The following STAM variants were observed in gnomAD, a reference collection of about 807,000 sequenced individuals.
The protein encoded by STAM is signal transducing adaptor molecule.
A neutral mutation model predicts 63.4 loss-of-function variants in STAM; 16 were observed. The ratio of observed to expected loss-of-function variants is 0.25; its 90% CI spans 0.17 to 0.38. The LOEUF is 0.38. Among genes scored for constraint, STAM ranks in the 10% least tolerant of loss-of-function variants. The probability of loss-of-function intolerance (pLI) is 1.00; values close to 1 mark genes in which losing one functional copy is unlikely to be tolerated. For synonymous variants in STAM, 238 were observed against 223.9 expected (o/e 1.06, Z -0.56); for missense variants, 636 against 657.1 (o/e 0.97, Z 0.35).
chr10:17,689,546 A>T (rs1554826510), intron 5 of STAM, among the ~76,000 whole-genome samples: 1 of 152,254 alleles, frequency 6.6e-6, no homozygotes, highest in Non-Finnish European at 1.5e-5. Flanking sequence ...TTCATAACTG[A>T]TAGCTGGTTT....
intron 9 of STAM, among the ~76,000 whole-genome samples, chr10:17,701,614 C>A (rs1836000675): frequency 6.6e-6 from 1 of 152,178 alleles, no homozygotes; most frequent in Non-Finnish European, 1.5e-5. Flanking sequence ...TTGCTTGGCC[C>A]TTGGTATGGA....
At chr10:17,680,119 C>T (rs1554825125) in intron 2 of STAM, among the ~76,000 whole-genome samples, 1 of 152,036 alleles carries the variant, frequency 6.6e-6, no homozygotes, top group Non-Finnish European at 1.5e-5. Flanking sequence ...CCTTTGCTTG[C>T]TTTGGGTTTC....
At chr10:17,688,265 T>C (rs1835377490) in intron 5 of STAM, 92 bp downstream of exon 5, 1 of 1,284,466 alleles carries the variant, frequency 7.8e-7, no homozygotes, top group Non-Finnish European at 1.0e-6. Context: ...CCCAGGTAAT[T>C]TTTACTACTT....
At position 17,695,052 on chromosome 10, in the gene STAM, T is replaced by C; in HGVS notation, c.539T>C (p.Ile180Thr). ...KKEEEDLAKA[I>T]ELSLKEQRQQ... is the part of the protein sequence containing the mutation. Reference sequence around the variant, plus strand: ...TTAAAAACTCATTGTTTTCTAGCCATTGAGTTGTCTCTCAAGGAACAAAGG... The same window carrying C: ...TTAAAAACTCATTGTTTTCTAGCCACTGAGTTGTCTCTCAAGGAACAAAGG... Residue 180 changes from isoleucine to threonine, a missense_variant, in exon 7 of 14, where the codon ATT becomes ACT. Around this residue, in one of 3 missense-constraint regions of STAM, gnomAD observed 532 missense variants for 536.9 expected, o/e 0.99. Coordinates refer to ENST00000377524, the MANE Select transcript of STAM (RefSeq NM_003473.4). The C allele has an allele frequency of 6.2e-7, 1 of 1,613,314 alleles. No homozygotes were observed. Among genetic ancestry groups the C allele is most frequent in the Non-Finnish European group, 8.5e-7 (1 of 1,179,618 alleles).
rs1357891505 is a variant in STAM, at chr10:17,690,210, C to T, written c.444+2037C>T. Among the ~76,000 whole-genome samples, 8 of 152,254 alleles carry T rather than the reference C, an allele frequency of 5.3e-5. No individual in the cohort carries two copies. In the East Asian group the frequency reaches 7.7e-4, roughly 15 times the overall value. ...TCAGTCCAGTGTTCTTTTCGCTGCC[C>T]GAGTCTGCCTTCTTTGTTAGAGAGG... is the stretch of plus-strand genomic sequence containing the variant. On this transcript the variant is annotated intron_variant, in intron 5 of 13. Transcript: ENST00000377524.
intron 13 of STAM, among the ~76,000 whole-genome samples, chr10:17,710,963 C>T (rs540532442): frequency 3.6e-4 from 54 of 152,024 alleles, no homozygotes; most frequent in Non-Finnish European, 5.4e-4. Flanking sequence ...TGTGTTTCAA[C>T]GGGGAAATGA....
At position 17,714,917 on chromosome 10, in the gene STAM, G is replaced by A. The variant is rs1836744379; in HGVS notation, c.*137G>A. The A allele has an allele frequency of 2.4e-6, 2 of 844,116 alleles. No homozygotes were observed. The highest frequency in any genetic ancestry group is 3.8e-6 in the Non-Finnish European group (2 of 530,364). The allele number at this position is 844,116 out of a possible 1,614,324, so 52.3% of individuals were successfully genotyped here. ...GTCAACAGGTTCAAATATTCAAGAA[G>A]GTAGAACTCTCCTCAATTTACACTG... On this transcript the variant is annotated 3_prime_UTR_variant, in exon 14 of 14. Coordinates refer to ENST00000377524, the MANE Select transcript of STAM (RefSeq NM_003473.4).
intron 2 of STAM, among the ~76,000 whole-genome samples, chr10:17,664,164 T>C (rs1207640861): frequency 6.6e-6 from 1 of 152,134 alleles, no homozygotes; most frequent in African/African-American, 2.4e-5. Flanking sequence ...AGAATTGGGT[T>C]ACATATTCAC....
At chr10:17,650,449 C>G (rs1158182676) in intron 1 of STAM, among the ~76,000 whole-genome samples, 2 of 152,174 alleles carry the variant, frequency 1.3e-5, no homozygotes, top group African/African-American at 2.4e-5. Context: ...TTTTTCTTCT[C>G]AATTATGCTT....
intron 1 of STAM, among the ~76,000 whole-genome samples, chr10:17,659,980 G>T (rs1834097103): frequency 1.3e-5 from 2 of 151,420 alleles, no homozygotes; most frequent in Non-Finnish European, 1.5e-5. Flanking sequence ...ACTTAAATAC[G>T]TTTTTATTTA....
intron 2 of STAM, 101 bp from the exon 3 acceptor site, chr10:17,684,574 A>G (rs34875696): frequency 0.19 from 159,946 of 822,242 alleles, 16,849 homozygotes; most frequent in Middle Eastern, 0.22. Flanking sequence ...CTACTTTATC[A>G]TAGTCTCCCT....
At chr10:17,650,934 G>A (rs370731351) in intron 1 of STAM, among the ~76,000 whole-genome samples, 4 of 151,228 alleles carry the variant, frequency 2.6e-5, no homozygotes, top group Admixed American at 6.6e-5. Context: ...GCGTAGTGGC[G>A]GGCGCCTGTA....
intron 2 of STAM, among the ~76,000 whole-genome samples, chr10:17,663,185 T>A (rs1554823077): frequency 6.6e-6 from 1 of 152,178 alleles, no homozygotes; most frequent in Middle Eastern, 3.2e-3. Flanking sequence ...GATCAATTTG[T>A]TTTTCTTAAT....
chr10:17,705,347 C>T (rs1554829099), intron 11 of STAM, among the ~76,000 whole-genome samples: 1 of 152,158 alleles, frequency 6.6e-6, no homozygotes, highest in East Asian at 1.9e-4. Flanking sequence ...CTAGGGAAAC[C>T]AAGATATTTC....
intron 4 of STAM, 77 bp downstream of exon 4, chr10:17,685,004 AGGACT>A: frequency 4.2e-6 from 5 of 1,196,350 alleles, no homozygotes; most frequent in Non-Finnish European, 6.0e-6. Context: ...ATCTTCACAG[AGGACT>A]ATTCTGTGCT....
intron 1 of STAM, among the ~76,000 whole-genome samples, chr10:17,657,191 AT>A (rs1188318947): frequency 6.6e-6 from 1 of 152,078 alleles, no homozygotes; most frequent in Non-Finnish European, 1.5e-5. Context: ...TGGTGCCTGC[AT>A]TCATTTAACA....
intron 12 of STAM, among the ~76,000 whole-genome samples, chr10:17,706,369 C>CTT (rs59585445): frequency 0.25 from 17,516 of 70,176 alleles, 5,011 homozygotes; most frequent in South Asian, 0.35. Context: ...GGTTGAGGCC[C>CTT]TTTTTTTTTT....
intron 12 of STAM, 65 bp downstream of exon 12, chr10:17,705,806 G>T: frequency 4.0e-6 from 6 of 1,499,264 alleles, no homozygotes; most frequent in African/African-American, 1.4e-5. Flanking sequence ...GGTAGCTCAT[G>T]CCTGTAATCT....
rs181580503 is a variant in STAM at position 17,679,581 on chromosome 10, T to G, written c.126-5094T>G. ...ATTTTGATGTTTAATTTGCGTGTGT[T>G]TTTTTTTTTTAAATGAAGTGTTGAT... On this transcript the variant is annotated intron_variant, in intron 2 of 13. Transcript: ENST00000377524. 3.9e-3 allele frequency among the ~76,000 whole-genome samples: 450 copies of G among 115,656 alleles called. 2 individuals carry two copies. Among genetic ancestry groups the G allele is most frequent in the Non-Finnish European group, 5.1e-3 (248 of 49,096 alleles). The allele number at this position is 115,656 out of a possible 152,430, so 75.9% of individuals were successfully genotyped here. A position where few individuals can be genotyped will look rare whatever the true frequency, so the allele number is the denominator to read the frequency against.
Sources: gnomAD v4.1 joint callset for allele counts (sites outside exome capture counted in the v4.1 genomes callset) on GRCh38, gnomAD v4.1.1 for gene constraint, gnomAD v4.1.1 regional missense constraint, MANE v1.5 for transcripts, NCBI Gene and HGNC (gene_info 2026-07-23, HGNC 2026-07-21) for gene names.